Variants in PLA2G5 observed in about 807,000 individuals in gnomAD.
PLA2G5 encodes the protein phospholipase A2 group V, also known as Ca2+-dependent phospholipase A2.
A neutral mutation model predicts 15.9 loss-of-function variants in PLA2G5; 12 were observed. That is an observed-to-expected ratio of 0.76 (90% CI 0.48 to 1.23). The LOEUF (loss-of-function observed/expected upper bound fraction) is 1.23. Ranked by LOEUF, PLA2G5 falls within the 50% of genes most tolerant of loss-of-function variation. The pLI is 0.00. For missense variants in PLA2G5, 169 were observed against 177.1 expected (o/e 0.95, Z 0.26); for synonymous variants, 71 against 71.4 (o/e 0.99, Z 0.03).
intron 1 of PLA2G5, among the ~76,000 whole-genome samples, chr1:20,047,560 T>C (rs758204728): frequency 9.2e-5 from 14 of 152,164 alleles, no homozygotes; most frequent in Non-Finnish European, 2.1e-4. Context: ...ATAAGTTCTC[T>C]TTTTTTCTCT....
In PLA2G5 at chr1:20,090,764, C is replaced by T. The variant is rs2016531578; in HGVS notation, c.*72C>T. The T allele has an allele frequency of 2.7e-6, 4 of 1,507,982 alleles. No individual in the cohort carries two copies. The highest frequency in any genetic ancestry group is 1.4e-5 in the African/African-American group (1 of 72,734). The allele number at this position is 1,507,982 out of a possible 1,614,324, so 93.4% of individuals were successfully genotyped here. ...TCTACAACACAGAGTACTGACTCTGCCTGGTTCCTGAGAGAGGCTCCTAAG... is the reference window on the plus strand; with the variant it reads ...TCTACAACACAGAGTACTGACTCTGTCTGGTTCCTGAGAGAGGCTCCTAAG... On this transcript the variant is annotated 3_prime_UTR_variant, in exon 5 of 5. Coordinates refer to ENST00000375108, the MANE Select transcript of PLA2G5 (RefSeq NM_000929.3).
At chr1:20,079,141 G>T (rs1478753846) in intron 1 of PLA2G5, among the ~76,000 whole-genome samples, 1 of 147,806 alleles carries the variant, frequency 6.8e-6, no homozygotes. Flanking sequence ...AAAAATCCAA[G>T]TCTTCTCAAA....
intron 1 of PLA2G5, among the ~76,000 whole-genome samples, chr1:20,077,406 G>A (rs368897177): frequency 2.0e-5 from 3 of 152,264 alleles, no homozygotes; most frequent in East Asian, 1.9e-4. Flanking sequence ...CATATTTGAC[G>A]TGTGGACTGG....
At chr1:20,070,934 C>T (rs989047261) in intron 1 of PLA2G5, 3 of 152,208 alleles carry the variant, frequency 2.0e-5, no homozygotes, top group African/African-American at 7.2e-5. Context: ...CAGAAAGAAA[C>T]CCAGAGGAGG....
At chr1:20,084,081 AATATAG>A (rs2016166540) in intron 1 of PLA2G5, among the ~76,000 whole-genome samples, 1 of 151,966 alleles carries the variant, frequency 6.6e-6, no homozygotes, top group African/African-American at 2.4e-5. Flanking sequence ...TAATTATGTG[AATATAG>A]ATATAAAGAT....
exon 1 of PLA2G5, chr1:20,028,634 G>A (rs2012685586): frequency 6.6e-6 from 1 of 152,218 alleles, no homozygotes; most frequent in Non-Finnish European, 1.5e-5. Flanking sequence ...GGAGGAGAAC[G>A]ACGGTATCAA....
At chr1:20,073,117 C>T (rs2015475113) in intron 1 of PLA2G5, among the ~76,000 whole-genome samples, 1 of 152,044 alleles carries the variant, frequency 6.6e-6, no homozygotes, top group South Asian at 2.1e-4. Context: ...CCTAGGGTTT[C>T]TCCCTCCTCA....
At chr1:20,040,539 C>T (rs1037729356) in intron 1 of PLA2G5, among the ~76,000 whole-genome samples, 2 of 151,608 alleles carry the variant, frequency 1.3e-5, no homozygotes, top group African/African-American at 2.4e-5. Context: ...TAAGAGTGCT[C>T]ATTGCTAGTG....
upstream of PLA2G5, among the ~76,000 whole-genome samples, chr1:20,068,538 G>A (rs552173363): frequency 2.0e-5 from 3 of 147,184 alleles, no homozygotes; most frequent in Middle Eastern, 3.5e-3. Context: ...TGTAACCTCC[G>A]CCTCCTGGGT....
At chr1:20,052,173 C>CA (rs34853506) in intron 1 of PLA2G5, among the ~76,000 whole-genome samples, 14,796 of 102,034 alleles carry the variant, frequency 0.15, 1,033 homozygotes, top group Non-Finnish European at 0.17. Context: ...GACTCCATCT[C>CA]AAAAAAAAAA....
chr1:20,070,170 A>G, upstream of PLA2G5: 1 of 984,772 alleles, frequency 1.0e-6, no homozygotes, highest in Non-Finnish European at 1.2e-6. Flanking sequence ...CTGATTGTGC[A>G]GGACTTCCTG....
rs55904016 is a variant in PLA2G5, at chr1:20,054,529, T to C, written n.277-5103T>C. Among the ~76,000 whole-genome samples the C allele has an allele frequency of 7.4e-3, 1,122 of 152,318 alleles. 19 individuals carry two copies. The highest frequency in any genetic ancestry group is 0.025 in the African/African-American group (1,060 of 41,570). ...GCAGTAGATGTGGGAAATCATTTCATATAAAGAGATGGAGATCATTTTTCT... is the reference window on the plus strand; with the variant it reads ...GCAGTAGATGTGGGAAATCATTTCACATAAAGAGATGGAGATCATTTTTCT... On this transcript the variant is annotated intron_variant and non_coding_transcript_variant, in intron 1 of 6. Coordinates refer to the PLA2G5 transcript ENST00000460175.
At chr1:20,084,672 C>T (rs2016194659) in intron 1 of PLA2G5, 149 bp from the exon 2 acceptor site, 11 of 665,286 alleles carry the variant, frequency 1.7e-5, no homozygotes, top group Admixed American at 2.4e-5. Context: ...TTTTTTGCCT[C>T]ATCTTTTCTG....
chr1:20,041,869 TG>T (rs1423581874), intron 1 of PLA2G5, among the ~76,000 whole-genome samples: 1 of 152,184 alleles, frequency 6.6e-6, no homozygotes, highest in African/African-American at 2.4e-5. Context: ...GAACGCTAGG[TG>T]CTTCTTTAGC....
chr1:20,059,991 G>T (rs898527667), intron 2 of PLA2G5, among the ~76,000 whole-genome samples: 1 of 152,100 alleles, frequency 6.6e-6, no homozygotes, highest in East Asian at 1.9e-4. Context: ...CACCCCCAAG[G>T]ATTCTGGAGA....
At chr1:20,078,904 C>T (rs542669452) in intron 1 of PLA2G5, among the ~76,000 whole-genome samples, 4 of 151,904 alleles carry the variant, frequency 2.6e-5, no homozygotes, top group Admixed American at 6.6e-5. Context: ...CCCAGGAATT[C>T]GAGACTAGCC....
chr1:20,042,231 C>A lies in PLA2G5; in HGVS notation n.276+13522C>A, dbSNP rs554569417. The stretch of plus-strand genomic sequence containing the variant: ...ATGATAGATGTGAAAGATACTATAG[C>A]ATAACCTGCCTATGCTGGTGAGTGG... On this transcript the variant is annotated intron_variant and non_coding_transcript_variant, in intron 1 of 6. Coordinates refer to the PLA2G5 transcript ENST00000460175. Among the ~76,000 whole-genome samples, 7 of 152,254 alleles carry A rather than the reference C, an allele frequency of 4.6e-5. No individual in the cohort carries two copies. The South Asian group carries it at 1.5e-3, about 32-fold the overall frequency.
Position 20,047,354 on chromosome 1 carries a change from GA to G in PLA2G5, n.277-12265del, listed in dbSNP as rs200094633. Among the ~76,000 whole-genome samples the G allele has an allele frequency of 8.8e-3, 1,221 of 139,414 alleles. 6 individuals carry two copies. Among genetic ancestry groups the G allele is most frequent in the East Asian group, 0.025 (122 of 4,878 alleles). The allele number at this position is 139,414 out of a possible 152,430, so 91.5% of individuals were successfully genotyped here. On this transcript the variant is annotated intron_variant and non_coding_transcript_variant, in intron 1 of 6. Coordinates refer to the PLA2G5 transcript ENST00000460175. ...GCCACAGCTCAGTTCCTCCTTTTAG[GA>G]AAAAAAAAAAAAGTGGGAAACAAAT...
At chr1:20,043,279 A>T (rs951855836) in intron 1 of PLA2G5, among the ~76,000 whole-genome samples, 23 of 152,180 alleles carry the variant, frequency 1.5e-4, no homozygotes, top group African/African-American at 5.5e-4. Flanking sequence ...TAAGGTGGAG[A>T]TCCTGAACTT....
Sources: gnomAD v4.1 joint callset for allele counts (sites outside exome capture counted in the v4.1 genomes callset) on GRCh38, gnomAD v4.1.1 for gene constraint, MANE v1.5 for transcripts, NCBI Gene and HGNC (gene_info 2026-07-23, HGNC 2026-07-21) for gene names.